The following ZNF765 variants were observed in gnomAD, a reference collection of about 807,000 sequenced individuals.
The protein encoded by ZNF765 is zinc finger protein 765.
ZNF765 carries 37 observed loss-of-function variants against 44.7 expected under a neutral mutation model. The ratio of observed to expected loss-of-function variants is 0.83; its 90% CI spans 0.64 to 1.09. The LOEUF is 1.09. Among genes scored for constraint, ZNF765 ranks in the 50% least tolerant of loss-of-function variants. ZNF765 has a pLI of 0.00. For synonymous variants in ZNF765, 201 were observed against 213.7 expected (o/e 0.94, Z 0.52); for missense variants, 594 against 626.1 (o/e 0.95, Z 0.55).
intron 2 of ZNF765, among the ~76,000 whole-genome samples, chr19:53,399,585 G>A (rs8112287): frequency 0.26 from 39,827 of 151,764 alleles, 6,079 homozygotes; most frequent in African/African-American, 0.41. Flanking sequence ...GGAAGCTGAG[G>A]CAGGAGAATC....
rs1227881670 is a variant in ZNF765, at chr19:53,402,842, C to G, written c.142+651C>G. On this transcript the variant is annotated intron_variant, in intron 3 of 3. Coordinates refer to ENST00000396408, the MANE Select transcript of ZNF765 (RefSeq NM_001040185.3). The stretch of plus-strand genomic sequence containing the variant: ...CCCGAGTAGCTGGGATTACAGGTGC[C>G]AAACCCCATACCTAATTATTGGCTT... Among the ~76,000 whole-genome samples the G allele has an allele frequency of 3.3e-5, 5 of 152,082 alleles. No individual in the cohort carries two copies. The East Asian group carries it at 7.7e-4, about 24-fold the overall frequency.
Position 53,410,540 on chromosome 19 carries a change from AGTCAACACTT to A in ZNF765, c.*1416_*1425del. The A allele has an allele frequency of 2.4e-6, 1 of 417,588 alleles. No homozygotes were observed. Among genetic ancestry groups the A allele is most frequent in the African/African-American group, 2.1e-5 (1 of 48,474 alleles). The allele number at this position is 417,588 out of a possible 1,614,324, so 25.9% of individuals were successfully genotyped here. The stretch of plus-strand genomic sequence containing the variant: ...TGAATGTGACAGGTCTTTAGTGGGC[AGTCAACACTT>A]GTTTACCATCAGGCAATCCATGGTG... On this transcript the variant is annotated 3_prime_UTR_variant, in exon 4 of 4. Transcript: ENST00000396408.
At chr19:53,415,938 C>G (rs923086985), downstream of ZNF765, among the ~76,000 whole-genome samples, 7 of 122,412 alleles carry the variant, frequency 5.7e-5, no homozygotes, top group African/African-American at 2.0e-4. Context: ...AGATAACTTT[C>G]TTTTGTTTTG....
downstream of ZNF765, among the ~76,000 whole-genome samples, chr19:53,415,488 C>G (rs968264283): frequency 1.3e-5 from 2 of 152,082 alleles, no homozygotes; most frequent in Non-Finnish European, 2.9e-5. Context: ...ACACCTCAAA[C>G]TGGTGAAAAT....
At chr19:53,418,371 A>C (rs2147106265) in intron 3 of ZNF765, among the ~76,000 whole-genome samples, 1 of 152,258 alleles carries the variant, frequency 6.6e-6, no homozygotes, top group South Asian at 2.1e-4. Context: ...GTAGCATCCT[A>C]GGACTGCACT....
At chr19:53,405,252 C>G (rs1039024017) in intron 3 of ZNF765, among the ~76,000 whole-genome samples, 2 of 151,270 alleles carry the variant, frequency 1.3e-5, no homozygotes, top group Non-Finnish European at 3.0e-5. Flanking sequence ...CTTGAGAGGC[C>G]GAGGCAGGAG....
At chr19:53,413,091 CAA>C (rs1257773563), downstream of ZNF765, 3 of 375,460 alleles carry the variant, frequency 8.0e-6, no homozygotes, top group Non-Finnish European at 1.5e-5. Context: ...GCCTGCGCAA[CAA>C]GAGCGAAACT....
chr19:53,408,203 A>C lies in ZNF765; in HGVS notation c.648A>C (p.Gln216His). 1 of 1,614,234 alleles carries C rather than the reference A, an allele frequency of 6.2e-7. No homozygotes were observed. The highest frequency in any genetic ancestry group is 8.5e-7 in the Non-Finnish European group (1 of 1,180,036). Residue 216 changes from glutamine to histidine, a missense_variant, in exon 4 of 4, where the codon CAA becomes CAC. Transcript: ENST00000396408. ...QEVHMREKSF[Q>H]CNDSGKAYNC... ...TACATATGAGGGAAAAATCTTTCCA[A>C]TGCAATGACAGTGGCAAAGCCTATA... is the stretch of plus-strand genomic sequence containing the variant.
chr19:53,417,560 C>T (rs927774234), intron 3 of ZNF765, among the ~76,000 whole-genome samples: 2 of 152,172 alleles, frequency 1.3e-5, no homozygotes, highest in African/African-American at 4.8e-5. Flanking sequence ...TTCATGTTTG[C>T]TATTGTGAAT....
chr19:53,413,600 GTTTT>G (rs61360964), downstream of ZNF765, among the ~76,000 whole-genome samples: 124 of 138,780 alleles, frequency 8.9e-4, no homozygotes, highest in Non-Finnish European at 1.3e-3. Context: ...TGCTTTTTAG[GTTTT>G]TTTTTTTTTT....
At chr19:53,398,162 C>A (rs1486790892) in intron 2 of ZNF765, 132 bp downstream of exon 2, 30 of 1,515,478 alleles carry the variant, frequency 2.0e-5, no homozygotes, top group Non-Finnish European at 2.6e-5. Flanking sequence ...TGCCTTCCTT[C>A]ATTCCCTCTT....
rs930180710 is a variant in ZNF765 at position 53,405,793 on chromosome 19, T to C, written c.143-1905T>C. ...TGCATCATATTGTTTGTGTTTTTAT[T>C]GTATGATTTGATTTATAAAATGTTT... On this transcript the variant is annotated intron_variant, in intron 3 of 3. Transcript: ENST00000396408. Among the ~76,000 whole-genome samples the C allele has an allele frequency of 2.0e-5, 3 of 151,142 alleles. No individual in the cohort carries two copies. The Admixed American group carries it at 2.0e-4, about 10-fold the overall frequency.
At position 53,408,366 on chromosome 19, in the gene ZNF765, T is replaced by C; in HGVS notation, c.811T>C (p.Tyr271His). 6.2e-7 allele frequency: 1 copy of C among 1,614,188 alleles called. No homozygotes were observed. Among genetic ancestry groups the C allele is most frequent in the Non-Finnish European group, 8.5e-7 (1 of 1,180,012 alleles). ...HRRCHTGEKP[Y>H]KCNECGKTFS... ...TAGATGTCACACTGGTGAGAAACCTTACAAGTGTAATGAGTGTGGCAAGAC... is the reference window on the plus strand; with the variant it reads ...TAGATGTCACACTGGTGAGAAACCTCACAAGTGTAATGAGTGTGGCAAGAC... The change falls in exon 4 of 4, where the codon TAC (tyrosine) becomes CAC (histidine). Residue 271 changes from tyrosine (Y) to histidine (H), a missense_variant. Transcript: ENST00000396408.
downstream of ZNF765, among the ~76,000 whole-genome samples, chr19:53,416,988 T>G (rs1314392162): frequency 6.6e-6 from 1 of 152,074 alleles, no homozygotes; most frequent in Non-Finnish European, 1.5e-5. Flanking sequence ...CAGCTAATTT[T>G]TGTCTTTTTG....
chr19:53,423,274 C>G (rs1433002879), exon 4 of ZNF765: 2 of 674,888 alleles, frequency 3.0e-6, no homozygotes, highest in Non-Finnish European at 2.7e-6. Flanking sequence ...ACCACGAAGA[C>G]AAAAGATCTG....
chr19:53,400,108 G>GCCCA, intron 2 of ZNF765, among the ~76,000 whole-genome samples: 2 of 152,262 alleles, frequency 1.3e-5, no homozygotes, highest in South Asian at 4.1e-4. Flanking sequence ...CACCGCATCT[G>GCCCA]GCCCCCAGTA....
chr19:53,424,000 T>A (rs907521031), exon 4 of ZNF765: 2 of 152,488 alleles, frequency 1.3e-5, no homozygotes, highest in African/African-American at 4.8e-5. Context: ...TCTGTGTCCC[T>A]TGGAGCAGAT....
chr19:53,401,576 T>TA lies in ZNF765; in HGVS notation c.16-478dup, dbSNP rs112431223. Among the ~76,000 whole-genome samples, 21 of 149,188 alleles carry TA rather than the reference T, an allele frequency of 1.4e-4. No individual in the cohort carries two copies. In the East Asian group the frequency reaches 2.2e-3, roughly 16 times the overall value. On this transcript the variant is annotated intron_variant, in intron 2 of 3. Transcript: ENST00000396408. ...AGACTCCGTCTCAAAAAAATAAAAA[T>TA]AAAAAAAAAAACGTTTCTGGGCCGG...
chr19:53,412,907 C>T (rs751384990), downstream of ZNF765, among the ~76,000 whole-genome samples: 8 of 151,826 alleles, frequency 5.3e-5, no homozygotes, highest in Non-Finnish European at 1.0e-4. Context: ...GTCAGGAGTT[C>T]GAGAACAGGC....
Sources: allele counts gnomAD v4.1 joint callset (sites outside exome capture counted in the v4.1 genomes callset), GRCh38; gene constraint gnomAD v4.1.1; transcripts MANE v1.5; gene names NCBI Gene and HGNC (gene_info 2026-07-23, HGNC 2026-07-21).